CYP7B1: variants seen among roughly 807,000 people sequenced by gnomAD.
CYP7B1 encodes cytochrome P450 family 7 subfamily B member 1.
A neutral mutation model predicts 42.7 loss-of-function variants in CYP7B1; 29 were observed. That is an observed-to-expected ratio of 0.68 (90% confidence interval 0.51 to 0.93). CYP7B1 has a LOEUF of 0.93. Among genes scored for constraint, CYP7B1 ranks in the 40% least tolerant of loss-of-function variants. The pLI is 0.00. For synonymous variants in CYP7B1, 235 were observed against 218.2 expected (o/e 1.08, Z -0.68); for missense variants, 655 against 600.5 (o/e 1.09, Z -0.95).
At chr8:64,657,416 G>C (rs575670459) in intron 1 of CYP7B1, among the ~76,000 whole-genome samples, 1 of 152,082 alleles carries the variant, frequency 6.6e-6, no homozygotes, top group Non-Finnish European at 1.5e-5. Context: ...GGAGGTGTTC[G>C]GGCTTTCTCT....
At chr8:64,778,286 T>C (rs1804361222) in intron 1 of CYP7B1, among the ~76,000 whole-genome samples, 1 of 151,162 alleles carries the variant, frequency 6.6e-6, no homozygotes, top group African/African-American at 2.4e-5. Flanking sequence ...TACATGCATG[T>C]AAGTGAAAGA....
chr8:64,615,846 A>G lies in CYP7B1; in HGVS notation c.695T>C (p.Ile232Thr), dbSNP rs373829533. Residue 232 changes from isoleucine to threonine, a missense_variant, in exon 3 of 6, where the codon ATT becomes ACT. Physicochemically the swap from Ile to Thr is moderately conservative, Grantham distance 89. Transcript: ENST00000310193. ...AGACTTGACATTTCCTAGAAGCTCAATGGGTATGTTGGATACTAAATATGC... is the reference window on the plus strand; with the variant it reads ...AGACTTGACATTTCCTAGAAGCTCAGTGGGTATGTTGGATACTAAATATGC... ...KFAYLVSNIP[I>T]ELLGNVKSIR... 29 of 1,613,618 alleles carry G rather than the reference A, an allele frequency of 1.8e-5. No individual in the cohort carries two copies. Among genetic ancestry groups the G allele is most frequent in the African/African-American group, 9.3e-5 (7 of 74,880 alleles).
At position 64,592,897 on chromosome 8, in the gene CYP7B1, A is replaced by C. The variant is rs1048294516; in HGVS notation, c.*3745T>G. Among the ~76,000 whole-genome samples the C allele has an allele frequency of 3.3e-5, 5 of 152,194 alleles. No individual in the cohort carries two copies. Among genetic ancestry groups the C allele is most frequent in the African/African-American group, 1.2e-4 (5 of 41,460 alleles). ...GTCCAGGACATGTTTTTCTATTTGT[A>C]AATACTATTTAGTTACTGGATTTAA... is the stretch of plus-strand genomic sequence containing the variant. On this transcript the variant is annotated 3_prime_UTR_variant, in exon 6 of 6. Transcript: ENST00000310193.
At chr8:64,587,122 A>G (rs1003369890), downstream of CYP7B1, among the ~76,000 whole-genome samples, 1 of 152,244 alleles carries the variant, frequency 6.6e-6, no homozygotes, top group Non-Finnish European at 1.5e-5. Flanking sequence ...GGGACCTGGC[A>G]GGACTGGAGG....
chr8:64,727,550 C>T (rs1807341890), intron 1 of CYP7B1, among the ~76,000 whole-genome samples: 1 of 151,942 alleles, frequency 6.6e-6, no homozygotes, highest in Admixed American at 6.6e-5. Context: ...ATGAAGATTC[C>T]AACATCAAAG....
chr8:64,774,471 T>C (rs1034254927), intron 1 of CYP7B1, among the ~76,000 whole-genome samples: 2 of 152,162 alleles, frequency 1.3e-5, no homozygotes, highest in East Asian at 3.8e-4. Flanking sequence ...ATAGGAACAG[T>C]TGTTACTAGT....
At chr8:64,759,082 C>T (rs554494406) in intron 1 of CYP7B1, among the ~76,000 whole-genome samples, 1 of 152,316 alleles carries the variant, frequency 6.6e-6, no homozygotes, top group African/African-American at 2.4e-5. Context: ...GTAAATAACT[C>T]TTAAGATGGG....
At chr8:64,663,088 G>C (rs1427393641) in intron 1 of CYP7B1, among the ~76,000 whole-genome samples, 1 of 152,042 alleles carries the variant, frequency 6.6e-6, no homozygotes, top group Non-Finnish European at 1.5e-5. Context: ...ATCATTTCAG[G>C]TTTAGTTCTA....
rs1422653134 is a variant in CYP7B1 at position 64,594,000 on chromosome 8, C to T, written c.*2642G>A. Among the ~76,000 whole-genome samples, 2 of 152,032 alleles carry T rather than the reference C, an allele frequency of 1.3e-5. No homozygotes were observed. Among genetic ancestry groups the T allele is most frequent in the Admixed American group, 1.3e-4 (2 of 15,274 alleles). ...ACTGACACTCTGACTCAAAATCAACCTTGGAGACCCTACAGAATGGAGAGG... is the reference window on the plus strand; with the variant it reads ...ACTGACACTCTGACTCAAAATCAACTTTGGAGACCCTACAGAATGGAGAGG... On this transcript the variant is annotated 3_prime_UTR_variant, in exon 6 of 6. Coordinates refer to ENST00000310193, the MANE Select transcript of CYP7B1 (RefSeq NM_004820.5).
chr8:64,648,090 G>C (rs1346628177), intron 1 of CYP7B1, among the ~76,000 whole-genome samples: 1 of 152,208 alleles, frequency 6.6e-6, no homozygotes, highest in Non-Finnish European at 1.5e-5. Flanking sequence ...GCACATGGAA[G>C]AATAAGAGGA....
intron 1 of CYP7B1, among the ~76,000 whole-genome samples, chr8:64,697,397 C>CT (rs1554533043): frequency 1.3e-5 from 2 of 152,110 alleles, no homozygotes; most frequent in African/African-American, 4.8e-5. Context: ...GTAAGCCCCC[C>CT]TCCCGCTGTG....
At chr8:64,722,688 A>G (rs1275608922) in intron 1 of CYP7B1, among the ~76,000 whole-genome samples, 1 of 141,724 alleles carries the variant, frequency 7.1e-6, no homozygotes, top group Non-Finnish European at 1.5e-5. Context: ...CTCGTAGTAT[A>G]AAATTTAAGA....
rs2129629707 is a variant in CYP7B1 at position 64,595,535 on chromosome 8, C to A, written c.*1107G>T. On this transcript the variant is annotated 3_prime_UTR_variant, in exon 6 of 6. Coordinates refer to ENST00000310193, the MANE Select transcript of CYP7B1 (RefSeq NM_004820.5). ...GGCTTGGTGGTACATGCCTGTAGTC[C>A]AGGTTCCCAAGGGACCAAAGCGGGA... Among the ~76,000 whole-genome samples, 1 of 152,170 alleles carries A rather than the reference C, an allele frequency of 6.6e-6. No homozygotes were observed.
intron 1 of CYP7B1, among the ~76,000 whole-genome samples, chr8:64,647,160 A>G (rs1239753424): frequency 2.0e-5 from 3 of 152,072 alleles, no homozygotes; most frequent in Non-Finnish European, 4.4e-5. Flanking sequence ...AAGATGGGGG[A>G]ATGGTTGGTC....
intron 1 of CYP7B1, among the ~76,000 whole-genome samples, chr8:64,766,532 C>G (rs973290128): frequency 6.6e-6 from 1 of 151,446 alleles, no homozygotes; most frequent in Non-Finnish European, 1.5e-5. Flanking sequence ...AAAAAAAAGG[C>G]CACTGCTTTA....
At chr8:64,682,986 AC>A (rs1395602134) in intron 1 of CYP7B1, among the ~76,000 whole-genome samples, 14 of 152,300 alleles carry the variant, frequency 9.2e-5, no homozygotes, top group African/African-American at 3.1e-4. Context: ...TTGAACCTTG[AC>A]TTCTTTCTCT....
At chr8:64,710,318 C>G (rs1284522648) in intron 1 of CYP7B1, among the ~76,000 whole-genome samples, 1 of 152,190 alleles carries the variant, frequency 6.6e-6, no homozygotes, top group African/African-American at 2.4e-5. Flanking sequence ...TCCAGTTAGA[C>G]TGAGTTGCTC....
At chr8:64,765,110 A>C (rs940025325) in intron 1 of CYP7B1, among the ~76,000 whole-genome samples, 2 of 152,176 alleles carry the variant, frequency 1.3e-5, no homozygotes, top group Non-Finnish European at 2.9e-5. Flanking sequence ...GACTTAAAGT[A>C]TTTGCAGGAT....
chr8:64,645,388 G>C (rs1258265088), intron 1 of CYP7B1, among the ~76,000 whole-genome samples: 2 of 152,072 alleles, frequency 1.3e-5, no homozygotes, highest in African/African-American at 4.8e-5. Context: ...CAGTGTAAAA[G>C]TGTTCCTATT....
Sources: gnomAD v4.1 joint callset for allele counts (sites outside exome capture counted in the v4.1 genomes callset) on GRCh38, gnomAD v4.1.1 for gene constraint, MANE v1.5 for transcripts, NCBI Gene and HGNC (gene_info 2026-07-23, HGNC 2026-07-21) for gene names.